The following SAMMSON variants were observed in gnomAD, a reference collection of about 807,000 sequenced individuals.
The protein encoded by SAMMSON is survival associated mitochondrial melanoma specific oncogenic non-coding RNA.
At chr3:70,132,333 G>A (rs571933252) in intron 4 of SAMMSON, among the ~76,000 whole-genome samples, 2 of 152,202 alleles carry the variant, frequency 1.3e-5, no homozygotes, top group East Asian at 3.9e-4. Context: ...CTTCACATTT[G>A]GCTGTATAGG....
At chr3:70,203,717 T>A (rs1315614854) in intron 4 of SAMMSON, among the ~76,000 whole-genome samples, 2 of 152,198 alleles carry the variant, frequency 1.3e-5, no homozygotes, top group Admixed American at 6.5e-5. Context: ...TTTTGAGGTA[T>A]CTTGTATTTA....
intron 4 of SAMMSON, among the ~76,000 whole-genome samples, chr3:70,164,582 T>G (rs4133051): frequency 0.42 from 63,812 of 151,832 alleles, 14,035 homozygotes; most frequent in East Asian, 0.72. Flanking sequence ...GTGCAACAAA[T>G]AAGGCTTCCA....
chr3:70,311,788 C>T (rs1380249196), intron 7 of SAMMSON: 8 of 389,062 alleles, frequency 2.1e-5, no homozygotes, highest in African/African-American at 1.2e-4. Context: ...ACTATTTGAA[C>T]GGTCAGGACA....
chr3:70,367,654 C>G (rs1332675201), intron 9 of SAMMSON, among the ~76,000 whole-genome samples: 2 of 151,590 alleles, frequency 1.3e-5, no homozygotes, highest in Non-Finnish European at 3.0e-5. Context: ...GATTCCATAG[C>G]TTGACTATTG....
At chr3:70,226,130 T>C (rs1443330185) in intron 4 of SAMMSON, among the ~76,000 whole-genome samples, 1 of 152,148 alleles carries the variant, frequency 6.6e-6, no homozygotes, top group East Asian at 1.9e-4. Flanking sequence ...CCCCACCTAA[T>C]AGATAAATTT....
intron 4 of SAMMSON, among the ~76,000 whole-genome samples, chr3:70,183,018 A>G (rs551776317): frequency 6.6e-6 from 1 of 152,302 alleles, no homozygotes; most frequent in East Asian, 1.9e-4. Flanking sequence ...CAGTTTAGGG[A>G]AAAGTAGGCA....
intron 9 of SAMMSON, among the ~76,000 whole-genome samples, chr3:70,381,683 A>G (rs1703070072): frequency 6.6e-6 from 1 of 151,106 alleles, no homozygotes; most frequent in Admixed American, 6.6e-5. Context: ...GTAAGGGGAG[A>G]AAAAAAAACA....
intron 4 of SAMMSON, among the ~76,000 whole-genome samples, chr3:70,120,967 C>T (rs1186017052): frequency 1.3e-5 from 2 of 152,114 alleles, no homozygotes; most frequent in Non-Finnish European, 2.9e-5. Context: ...ATGCAACTCA[C>T]CATTATGTAG....
intron 9 of SAMMSON, among the ~76,000 whole-genome samples, chr3:70,369,397 A>T (rs1000655746): frequency 4.0e-5 from 6 of 151,744 alleles, no homozygotes; most frequent in Admixed American, 1.3e-4. Context: ...AAAATTTTTT[A>T]AATTCTCTCA....
chr3:70,320,129 A>C (rs1702526161), intron 7 of SAMMSON, among the ~76,000 whole-genome samples: 2 of 152,092 alleles, frequency 1.3e-5, no homozygotes, highest in South Asian at 4.1e-4. Context: ...GAGGACCAGC[A>C]AACAGGAATA....
At chr3:70,220,006 TA>T (rs533714743) in intron 4 of SAMMSON, among the ~76,000 whole-genome samples, 102 of 152,190 alleles carry the variant, frequency 6.7e-4, no homozygotes, top group African/African-American at 2.4e-3. Flanking sequence ...CCCACAATTC[TA>T]AAAAATATTT....
chr3:70,369,044 A>G (rs2106744705), intron 9 of SAMMSON, among the ~76,000 whole-genome samples: 1 of 151,766 alleles, frequency 6.6e-6, no homozygotes. Context: ...AAAGTTTTCT[A>G]TACACAGACT....
At chr3:70,116,702 A>C (rs2106664267) in intron 4 of SAMMSON, among the ~76,000 whole-genome samples, 1 of 152,268 alleles carries the variant, frequency 6.6e-6, no homozygotes, top group Non-Finnish European at 1.5e-5. Context: ...TAAAAAGTAG[A>C]AACAGCATCA....
chr3:70,265,714 T>C (rs966580699), intron 6 of SAMMSON, among the ~76,000 whole-genome samples: 1 of 152,192 alleles, frequency 6.6e-6, no homozygotes, highest in Non-Finnish European at 1.5e-5. Flanking sequence ...GAATGGGCAA[T>C]TTACAAAGAA....
At position 70,337,049 on chromosome 3, in the gene SAMMSON, T is replaced by TTATTATTAATAATAATATCTAACTTAA. The variant is rs1559566687; in HGVS notation, n.740-17118_740-17117insATAATAATATCTAACTTAATATTATTA. 8.9e-5 allele frequency among the ~76,000 whole-genome samples: 7 copies of TTATTATTAATAATAATATCTAACTTAA among 78,418 alleles called. No homozygotes were observed. In the East Asian group the frequency reaches 1.6e-3, roughly 18 times the overall value. 51.4% of individuals were successfully genotyped at this position (78,418 alleles called of 152,430 possible). On this transcript the variant is annotated intron_variant and non_coding_transcript_variant, in intron 7 of 9. Transcript: ENST00000642114. ...ATTAATAATAATATCTAACTTAATA[T>TTATTATTAATAATAATATCTAACTTAA]TATTATTATTAATAATAATATCTAA...
At chr3:70,381,336 A>C (rs144935525) in intron 9 of SAMMSON, among the ~76,000 whole-genome samples, 1 of 152,190 alleles carries the variant, frequency 6.6e-6, no homozygotes, top group Non-Finnish European at 1.5e-5. Context: ...TGACAGAAAA[A>C]TTGCCATTTT....
intron 4 of SAMMSON, among the ~76,000 whole-genome samples, chr3:70,183,094 C>T (rs770514828): frequency 2.0e-5 from 3 of 152,158 alleles, no homozygotes; most frequent in Non-Finnish European, 4.4e-5. Context: ...TCGCTACATG[C>T]CAGCTACAAG....
At chr3:70,054,849 A>G (rs1210817097) in intron 3 of SAMMSON, among the ~76,000 whole-genome samples, 1 of 152,118 alleles carries the variant, frequency 6.6e-6, no homozygotes, top group Non-Finnish European at 1.5e-5. Flanking sequence ...AGAAATGTGT[A>G]CCTAGACTTG....
intron 4 of SAMMSON, among the ~76,000 whole-genome samples, chr3:70,202,614 G>C (rs2106721108): frequency 6.6e-6 from 1 of 152,234 alleles, no homozygotes; most frequent in East Asian, 1.9e-4. Context: ...CTGAATTAAA[G>C]AAGGTTTAAG....
Sources: allele counts gnomAD v4.1 joint callset (sites outside exome capture counted in the v4.1 genomes callset), GRCh38; gene constraint gnomAD v4.1.1; transcripts MANE v1.5; gene names NCBI Gene and HGNC (gene_info 2026-07-23, HGNC 2026-07-21).